Variants in CFAP92 observed in about 807,000 individuals in gnomAD.
CFAP92 encodes cilia and flagella associated protein 92 (putative).
A neutral mutation model predicts 106.3 loss-of-function variants in CFAP92; 86 were observed. The ratio of observed to expected loss-of-function variants is 0.81; its 90% CI spans 0.68 to 0.97. The LOEUF is 0.97. CFAP92 is among the 50% of genes least tolerant of loss of function. The pLI is 0.00. For missense variants in CFAP92, 1,204 were observed against 1,283.8 expected (o/e 0.94, Z 0.95); for synonymous variants, 477 against 506.4 (o/e 0.94, Z 0.78).
intron 10 of CFAP92, among the ~76,000 whole-genome samples, chr3:128,940,004 T>G (rs1026612180): frequency 6.6e-6 from 1 of 152,194 alleles, no homozygotes; most frequent in Non-Finnish European, 1.5e-5. Flanking sequence ...CTAATCTACT[T>G]TCTGATAGAT....
rs928029352 is a variant in CFAP92, at chr3:128,994,008, G to T, written c.-61C>A. 91 of 987,578 alleles carry T rather than the reference G, an allele frequency of 9.2e-5. No homozygotes were observed. The highest frequency in any genetic ancestry group is 1.0e-4 in the Non-Finnish European group (87 of 831,218). 61.2% of individuals were successfully genotyped at this position (987,578 alleles called of 1,614,324 possible). On this transcript the variant is annotated 5_prime_UTR_variant, in exon 1 of 16. Transcript: ENST00000645291. Reference sequence around the variant, plus strand: ...CGAGCGGATGCGCTGGGCGGCAGCGGGGAGTTGGACCGCGGCGGCAACTCC... The same window carrying T: ...CGAGCGGATGCGCTGGGCGGCAGCGTGGAGTTGGACCGCGGCGGCAACTCC...
In CFAP92 at chr3:128,988,802, C is replaced by T. The variant is rs1373579452; in HGVS notation, c.379G>A (p.Asp127Asn). Residue 127 changes from aspartate to asparagine, a missense_variant, in exon 3 of 16, where the codon GAT becomes AAT. Transcript: ENST00000645291. Reference sequence around the variant, plus strand: ...ATGTCAACTTTTTTAGGTTCTTCATCGTCCGGCAGAAGGAAATACTCAATG... The same window carrying T: ...ATGTCAACTTTTTTAGGTTCTTCATTGTCCGGCAGAAGGAAATACTCAATG... ...YHIEYFLLPD[D>N]EEPKKVDILL... 6.2e-6 allele frequency: 10 copies of T among 1,613,696 alleles called. No individual in the cohort carries two copies. Among genetic ancestry groups the T allele is most frequent in the South Asian group, 2.2e-5 (2 of 90,984 alleles).
intron 10 of CFAP92, among the ~76,000 whole-genome samples, chr3:128,944,066 A>C (rs543184545): frequency 1.3e-5 from 2 of 151,308 alleles, no homozygotes; most frequent in African/African-American, 4.9e-5. Flanking sequence ...AGTAGCTGTG[A>C]TTACAGGCAT....
chr3:129,023,369 T>G, the CFAP92 span, among the ~76,000 whole-genome samples: 37 of 149,224 alleles, frequency 2.5e-4, no homozygotes, highest in African/African-American at 8.7e-4. Context: ...CAGGCTAGAG[T>G]GCAGGCTAGA....
At chr3:128,948,615 C>G (rs557150958) in intron 9 of CFAP92, among the ~76,000 whole-genome samples, 19 of 151,088 alleles carry the variant, frequency 1.3e-4, no homozygotes, top group Non-Finnish European at 2.8e-4. Flanking sequence ...CTGCAACCAC[C>G]ACCTCCCCAG....
chr3:128,910,668 G>C, intron 15 of CFAP92: 1 of 1,545,882 alleles, frequency 6.5e-7, no homozygotes, highest in Non-Finnish European at 8.9e-7. Flanking sequence ...TTGGCTGATA[G>C]GCTGGGTTTT....
At chr3:128,950,052 A>C (rs779527228) in intron 9 of CFAP92, among the ~76,000 whole-genome samples, 1 of 151,670 alleles carries the variant, frequency 6.6e-6, no homozygotes, top group African/African-American at 2.4e-5. Context: ...ATTTTACTGT[A>C]GAAAAATTTG....
At chr3:128,999,551 T>G (rs1407235699) in intron 1 of CFAP92, among the ~76,000 whole-genome samples, 17 of 146,796 alleles carry the variant, frequency 1.2e-4, no homozygotes, top group Non-Finnish European at 2.3e-4. Context: ...TTTTTTTTTT[T>G]TTTTTGAGAC....
In CFAP92 at chr3:128,971,085, G is replaced by C. The variant is rs577393701; in HGVS notation, c.1168+202C>G. 4.4e-6 allele frequency: 3 copies of C among 683,768 alleles called. No homozygotes were observed. The African/African-American group carries it at 5.4e-5, about 12-fold the overall frequency. 42.4% of individuals were successfully genotyped at this position (683,768 alleles called of 1,614,324 possible). A position where few individuals can be genotyped will look rare whatever the true frequency, so the allele number is the denominator to read the frequency against. On this transcript the variant is annotated intron_variant, in intron 8 of 15. Coordinates refer to ENST00000645291, the MANE Select transcript of CFAP92 (RefSeq NM_001394090.1). ...TCCAGGCTTCACATTTCCTAGCTGT[G>C]TGATCTCAGGCAAGGTAGCTACCCT...
At chr3:128,960,085 C>T (rs1040432945) in intron 9 of CFAP92, among the ~76,000 whole-genome samples, 1 of 152,196 alleles carries the variant, frequency 6.6e-6, no homozygotes, top group Non-Finnish European at 1.5e-5. Context: ...GAGAACAACC[C>T]CCTTTGACTG....
At chr3:128,974,216 C>A (rs573297503) in intron 7 of CFAP92, among the ~76,000 whole-genome samples, 165 of 152,230 alleles carry the variant, frequency 1.1e-3, no homozygotes, top group Admixed American at 2.0e-3. Context: ...AGAACCAGGC[C>A]AGTGTCAGGA....
Position 128,926,756 on chromosome 3 carries a change from C to T in CFAP92, c.2751+5944G>A, listed in dbSNP as rs142831010. Among the ~76,000 whole-genome samples, 739 of 152,168 alleles carry T rather than the reference C, an allele frequency of 4.9e-3. 8 individuals are homozygous for T. The highest frequency in any genetic ancestry group is 0.017 in the African/African-American group (703 of 41,516). On this transcript the variant is annotated intron_variant, in intron 12 of 15. Coordinates refer to ENST00000645291, the MANE Select transcript of CFAP92 (RefSeq NM_001394090.1). Reference sequence around the variant, plus strand: ...GGAAGTAATTAAGGTTAAATGAGGTCATAAGGTTGGGGCCCAGATCTGATA... The same window carrying T: ...GGAAGTAATTAAGGTTAAATGAGGTTATAAGGTTGGGGCCCAGATCTGATA...
At position 128,932,748 on chromosome 3, in the gene CFAP92, C is replaced by G; in HGVS notation, c.2703G>C (p.Arg901=). ...HAHQEKYLQW[R]SAMLMKNKDK... ...CTTTGTTCTTCATAAGCATGGCACT[C>G]CGCCACTGCAGGTACTTCTCCTGGT... is the stretch of plus-strand genomic sequence containing the variant. The change falls in exon 12 of 16, where the codon CGG becomes CGC. Residue 901 remains arginine, a synonymous_variant. Transcript: ENST00000645291. 1 of 1,535,620 alleles carries G rather than the reference C, an allele frequency of 6.5e-7. No homozygotes were observed. The highest frequency in any genetic ancestry group is 8.7e-7 in the Non-Finnish European group (1 of 1,146,824).
intron 9 of CFAP92, among the ~76,000 whole-genome samples, chr3:128,962,677 G>A (rs919957420): frequency 1.3e-5 from 2 of 151,936 alleles, no homozygotes; most frequent in African/African-American, 2.4e-5. Flanking sequence ...TCCTTACCCC[G>A]CTCAATGCCA....
chr3:128,966,504 G>A (rs972107972), intron 8 of CFAP92: 1 of 152,238 alleles, frequency 6.6e-6, no homozygotes, highest in Non-Finnish European at 1.5e-5. Context: ...CTCGCAAAAA[G>A]GGTGGGTGAA....
chr3:128,946,736 C>T (rs1181854388), intron 9 of CFAP92, among the ~76,000 whole-genome samples: 1 of 152,064 alleles, frequency 6.6e-6, no homozygotes, highest in Non-Finnish European at 1.5e-5. Context: ...TCAACCTAGG[C>T]CTCAAAGAAT....
upstream of CFAP92, among the ~76,000 whole-genome samples, chr3:129,007,661 G>A (rs1945133437): frequency 6.6e-6 from 1 of 152,224 alleles, no homozygotes; most frequent in South Asian, 2.1e-4. Flanking sequence ...GGGGTTGGGA[G>A]TGGTTTTACT....
chr3:128,951,345 T>C lies in CFAP92; in HGVS notation c.1354-5370A>G, dbSNP rs531994253. On this transcript the variant is annotated intron_variant, in intron 9 of 15. Transcript: ENST00000645291. ...ATCAGTGAAATAATTTAAGACAATT[T>C]CCCGGTGCTGAAGGATGTGGGCTTC... 2.2e-4 allele frequency among the ~76,000 whole-genome samples: 34 copies of C among 152,196 alleles called. No individual in the cohort carries two copies. In the South Asian group the frequency reaches 6.9e-3, roughly 31 times the overall value.
At chr3:128,951,909 T>G (rs1003424864) in intron 9 of CFAP92, among the ~76,000 whole-genome samples, 1 of 151,946 alleles carries the variant, frequency 6.6e-6, no homozygotes. Context: ...CAACCCTCAA[T>G]GGAAATGAAG....
Sources: gnomAD v4.1 joint callset for allele counts (sites outside exome capture counted in the v4.1 genomes callset) on GRCh38, gnomAD v4.1.1 for gene constraint, MANE v1.5 for transcripts, NCBI Gene and HGNC (gene_info 2026-07-23, HGNC 2026-07-21) for gene names.